Variants in RBP7 observed in about 807,000 individuals in gnomAD.
RBP7 encodes the protein retinoid-binding protein 7.
In RBP7, 13 loss-of-function variants were observed where a neutral mutation model predicts 16.7. That is an observed-to-expected ratio of 0.78 (90% CI 0.51 to 1.24). The LOEUF (loss-of-function observed/expected upper bound fraction) is 1.24. RBP7 is among the 50% of genes most tolerant of loss of function. The pLI is 0.00. For synonymous variants in RBP7, 54 were observed against 56.2 expected (o/e 0.96, Z 0.17); for missense variants, 145 against 159.5 (o/e 0.91, Z 0.49).
intron 3 of RBP7, among the ~76,000 whole-genome samples, chr1:10,013,518 C>CA (rs1391733997): frequency 3.3e-5 from 5 of 151,838 alleles, no homozygotes; most frequent in Admixed American, 2.0e-4. Flanking sequence ...TCTGTCTCTA[C>CA]AAAAAATTGG....
At chr1:10,008,441 C>CTTT (rs1165443701) in intron 3 of RBP7, among the ~76,000 whole-genome samples, 167 bp downstream of exon 3, 1 of 134,962 alleles carries the variant, frequency 7.4e-6, no homozygotes, top group African/African-American at 3.2e-5. Flanking sequence ...CCCATCTCTA[C>CTTT]TATTTTTTTT....
At chr1:10,013,549 C>T (rs1036401203) in intron 3 of RBP7, among the ~76,000 whole-genome samples, 3 of 152,004 alleles carry the variant, frequency 2.0e-5, no homozygotes, top group African/African-American at 7.2e-5. Context: ...TGGCTCATAC[C>T]TGTAATCCCA....
rs765249577 is a variant in RBP7 at position 10,007,571 on chromosome 1, T to C, written c.75T>C (p.Gly25=). 1 of 1,593,070 alleles carries C rather than the reference T, an allele frequency of 6.3e-7. No individual in the cohort carries two copies. Among genetic ancestry groups the C allele is most frequent in the Admixed American group, 1.8e-5 (1 of 55,622 alleles). ...DNFEGYMLAL[G]IDFATRKIAK... ...ATATTTTTAAAAATTATTTTTAAGG[T>C]ATTGACTTTGCCACTCGTAAAATAG... Residue 25 remains glycine (G), a splice_region_variant and synonymous_variant, in exon 2 of 4, where the codon GGT becomes GGC. Transcript: ENST00000294435.
intron 1 of RBP7, among the ~76,000 whole-genome samples, chr1:10,006,234 G>C (rs1219205099): frequency 6.6e-6 from 1 of 152,076 alleles, no homozygotes; most frequent in Non-Finnish European, 1.5e-5. Flanking sequence ...TAGCCGAGCA[G>C]GGTGGCTCAT....
At chr1:10,007,896 A>G in intron 2 of RBP7, 148 bp downstream of exon 2, 1 of 748,246 alleles carries the variant, frequency 1.3e-6, no homozygotes, top group East Asian at 2.7e-5. Context: ...AAAAAAATTC[A>G]AAAAGTAGGG....
At chr1:10,001,499 G>A (rs1033138669) in intron 1 of RBP7, among the ~76,000 whole-genome samples, 1 of 152,050 alleles carries the variant, frequency 6.6e-6, no homozygotes, top group African/African-American at 2.4e-5. Flanking sequence ...TAGAGACGGT[G>A]TCTTGCTGTG....
intron 3 of RBP7, among the ~76,000 whole-genome samples, chr1:10,009,027 T>A (rs1390737698): frequency 6.6e-6 from 1 of 152,142 alleles, no homozygotes; most frequent in Non-Finnish European, 1.5e-5. Flanking sequence ...CACAACCCTG[T>A]GAAAAGGACG....
intron 3 of RBP7, 79 bp downstream of exon 3, chr1:10,008,353 G>C: frequency 1.1e-6 from 1 of 888,646 alleles, no homozygotes; most frequent in Admixed American, 2.0e-5. Flanking sequence ...GCTCACACCT[G>C]TAATCCCAGC....
chr1:10,001,522 G>C (rs1373505642), intron 1 of RBP7, among the ~76,000 whole-genome samples: 3 of 152,010 alleles, frequency 2.0e-5, no homozygotes, highest in Admixed American at 6.6e-5. Flanking sequence ...GTCCAGGCTG[G>C]TCTCAAACTC....
chr1:10,013,273 A>G (rs1390840255), intron 3 of RBP7, among the ~76,000 whole-genome samples: 2 of 152,004 alleles, frequency 1.3e-5, no homozygotes, highest in Non-Finnish European at 2.9e-5. Flanking sequence ...GGGTTTCACC[A>G]TGCTGGTCAG....
chr1:10,010,274 C>A (rs1289183226), intron 3 of RBP7, among the ~76,000 whole-genome samples: 2 of 151,920 alleles, frequency 1.3e-5, no homozygotes, highest in Non-Finnish European at 2.9e-5. Flanking sequence ...TGCCACGACA[C>A]CTGGGTAATT....
Position 10,013,074 on chromosome 1 carries a change from A to ATT in RBP7, c.355-2693_355-2692dup, listed in dbSNP as rs537432311. On this transcript the variant is annotated intron_variant, in intron 3 of 3. Transcript: ENST00000294435. ...CATGGAATGCTTCTTACTTACCATG[A>ATT]TTTTTTTTTTTTTTTTCAGACAGAG... Among the ~76,000 whole-genome samples the ATT allele has an allele frequency of 5.2e-3, 722 of 137,582 alleles. 12 individuals are homozygous for ATT. Among genetic ancestry groups the ATT allele is most frequent in the African/African-American group, 0.013 (480 of 37,496 alleles). The allele number at this position is 137,582 out of a possible 152,430, so 90.3% of individuals were successfully genotyped here. A position where few individuals can be genotyped will look rare whatever the true frequency, so the allele number is the denominator to read the frequency against.
In RBP7 at chr1:9,997,842, C is replaced by A. The variant is rs1171091173; in HGVS notation, c.73+511C>A. 1.3e-5 allele frequency among the ~76,000 whole-genome samples: 2 copies of A among 152,102 alleles called. No individual in the cohort carries two copies. The highest frequency in any genetic ancestry group is 4.8e-5 in the African/African-American group (2 of 41,452). ...TCCCGCAGCGAAGTCCCAGCAGCCT[C>A]GGCGCACCCGGAGCGGGTCGGGGAT... is the stretch of plus-strand genomic sequence containing the variant. On this transcript the variant is annotated intron_variant, in intron 1 of 3. Transcript: ENST00000294435. The surrounding 1 kb of genome is among the most constrained non-coding windows in gnomAD (Gnocchi z 5.9).
chr1:10,008,491 A>C (rs546725344), intron 3 of RBP7, among the ~76,000 whole-genome samples: 36 of 145,092 alleles, frequency 2.5e-4, no homozygotes, highest in Non-Finnish European at 4.5e-4. Context: ...ACCAGGCTGG[A>C]GTGCAGTGGC....
Position 9,997,804 on chromosome 1 carries a change from G to T in RBP7, c.73+473G>T, listed in dbSNP as rs1642200274. Among the ~76,000 whole-genome samples the T allele has an allele frequency of 6.6e-6, 1 of 151,884 alleles. No homozygotes were observed. The highest frequency in any genetic ancestry group is 6.6e-5 in the Admixed American group (1 of 15,244). ...AGCCGCCTTCCGTGCAGGCCCCGGG[G>T]CCCCGGGCGCGCTCCCGCAGCGAAG... is the stretch of plus-strand genomic sequence containing the variant. On this transcript the variant is annotated intron_variant, in intron 1 of 3. Transcript: ENST00000294435. The surrounding 1 kb of genome is among the most constrained non-coding windows in gnomAD (Gnocchi z 5.9).
chr1:10,015,669 GA>G (rs542440065), intron 3 of RBP7, 112 bp from the exon 4 acceptor site: 6 of 932,168 alleles, frequency 6.4e-6, no homozygotes, highest in Non-Finnish European at 1.0e-5. Context: ...TCTCATAAAA[GA>G]AAAAAACATG....
At chr1:10,012,151 C>A (rs1298193577) in intron 3 of RBP7, among the ~76,000 whole-genome samples, 1 of 146,052 alleles carries the variant, frequency 6.8e-6, no homozygotes, top group African/African-American at 2.5e-5. Flanking sequence ...GAGGAGGTTA[C>A]GGTGAGCCGA....
intron 1 of RBP7, chr1:10,004,064 AATT>A: frequency 9.7e-6 from 1 of 102,970 alleles, no homozygotes; most frequent in Non-Finnish European, 1.8e-5. Flanking sequence ...CCTGCCTCAC[AATT>A]TTTTTTTTTT....
In RBP7 at chr1:9,997,403, C is replaced by A; in HGVS notation, c.73+72C>A. On this transcript the variant is annotated intron_variant, in intron 1 of 3. Coordinates refer to ENST00000294435, the MANE Select transcript of RBP7 (RefSeq NM_052960.3). The surrounding 1 kb of genome is among the most constrained non-coding windows in gnomAD (Gnocchi z 5.9). ...TCGGGATCAGGCGAAGGCGGCCGGG[C>A]CGGGCCTGTAGGTACGTCCTCTGTC... The A allele has an allele frequency of 6.8e-7, 1 of 1,475,514 alleles. No individual in the cohort carries two copies. Among genetic ancestry groups the A allele is most frequent in the Non-Finnish European group, 9.4e-7 (1 of 1,062,498 alleles). The allele number at this position is 1,475,514 out of a possible 1,614,324, so 91.4% of individuals were successfully genotyped here.
Sources: gnomAD v4.1 joint callset for allele counts (sites outside exome capture counted in the v4.1 genomes callset) on GRCh38, gnomAD v4.1.1 for gene constraint, Gnocchi (gnomAD v3.1) non-coding constraint, MANE v1.5 for transcripts, NCBI Gene and HGNC (gene_info 2026-07-23, HGNC 2026-07-21) for gene names.